The following CNTNAP2 variants were observed in gnomAD, a reference collection of about 807,000 sequenced individuals.
CNTNAP2 encodes the protein contactin associated protein 2, also known as contactin-associated protein-like 2.
CNTNAP2 carries 98 observed loss-of-function variants against 155.2 expected under a neutral mutation model. The observed-to-expected ratio is 0.63, with a 90% CI of 0.54 to 0.75. The LOEUF is 0.75. CNTNAP2 is among the 30% of genes least tolerant of loss of function. The pLI, the probability that CNTNAP2 is intolerant of heterozygous loss-of-function variation, is 0.00. For missense variants in CNTNAP2, 1,727 were observed against 1,688.1 expected, an observed-to-expected ratio of 1.02 and a Z score of -0.40; for synonymous variants, 651 against 631.2, an observed-to-expected ratio of 1.03 and a Z score of -0.47.
chr7:146,875,125 G>T (rs952903408), intron 3 of CNTNAP2, among the ~76,000 whole-genome samples: 4 of 152,134 alleles, frequency 2.6e-5, no homozygotes, highest in Non-Finnish European at 5.9e-5. Context: ...AGGCTGAAAG[G>T]CAAAGACAGG....
In CNTNAP2 at chr7:148,227,884, CGTGTGTGTGTGT is replaced by C. The variant is rs3057282; in HGVS notation, c.3248-1722_3248-1711del. Reference sequence around the variant, plus strand: ...GATGCCTAAATAAGGAAGAGCACAGCGTGTGTGTGTGTGTGTGTGTGTGTGTGTGTGTGTGTG... The same window carrying C: ...GATGCCTAAATAAGGAAGAGCACAGCGTGTGTGTGTGTGTGTGTGTGTGTG... On this transcript the variant is annotated intron_variant, in intron 19 of 23. Coordinates refer to ENST00000361727, the MANE Select transcript of CNTNAP2 (RefSeq NM_014141.6). 4.9e-3 allele frequency among the ~76,000 whole-genome samples: 648 copies of C among 131,490 alleles called. 3 individuals are homozygous for C. Among genetic ancestry groups the C allele is most frequent in the African/African-American group, 0.012 (408 of 34,576 alleles). The allele number at this position is 131,490 out of a possible 152,430, so 86.3% of individuals were successfully genotyped here.
chr7:146,831,973 T>A, intron 2 of CNTNAP2, among the ~76,000 whole-genome samples: 1 of 152,200 alleles, frequency 6.6e-6, no homozygotes, highest in African/African-American at 2.4e-5. Flanking sequence ...TAGGAATGAT[T>A]GGGCCACTGC....
rs1340148054 is a variant in CNTNAP2 at position 146,605,114 on chromosome 7, C to T, written c.98-169157C>T. Among the ~76,000 whole-genome samples the T allele has an allele frequency of 1.3e-5, 2 of 149,670 alleles. 1 individual carries two copies. Among genetic ancestry groups the T allele is most frequent in the Non-Finnish European group, 3.0e-5 (2 of 67,434 alleles). ...AAAAAAAAAAGAAAAAAAAATACTG[C>T]AATATCTTCCCGCCTTTTACACTGT... is the stretch of plus-strand genomic sequence containing the variant. On this transcript the variant is annotated intron_variant, in intron 1 of 23. Transcript: ENST00000361727.
At chr7:147,254,606 A>T (rs77162789) in intron 8 of CNTNAP2, among the ~76,000 whole-genome samples, 8 of 152,166 alleles carry the variant, frequency 5.3e-5, no homozygotes, top group African/African-American at 1.9e-4. Flanking sequence ...TAATATAACC[A>T]TATGGTTTTT....
chr7:147,687,997 A>G (rs997002944), intron 13 of CNTNAP2, among the ~76,000 whole-genome samples: 5 of 152,172 alleles, frequency 3.3e-5, no homozygotes, highest in African/African-American at 9.7e-5. Context: ...TTTAATGATT[A>G]TAAATGCTCT....
At chr7:148,314,803 G>T (rs1253967915) in intron 21 of CNTNAP2, among the ~76,000 whole-genome samples, 2 of 152,202 alleles carry the variant, frequency 1.3e-5, no homozygotes, top group Non-Finnish European at 2.9e-5. Context: ...AGATGCCTCT[G>T]AAATGTGGGT....
intron 20 of CNTNAP2, among the ~76,000 whole-genome samples, chr7:148,266,755 C>A (rs191604428): frequency 1.3e-5 from 2 of 152,194 alleles, no homozygotes; most frequent in Non-Finnish European, 2.9e-5. Context: ...GAACATGGAT[C>A]TTAATCCTGT....
chr7:146,928,214 A>G (rs1796649573), intron 3 of CNTNAP2, among the ~76,000 whole-genome samples: 2 of 152,154 alleles, frequency 1.3e-5, no homozygotes, highest in Non-Finnish European at 2.9e-5. Context: ...GGTGAATAAT[A>G]TTCAACTGTA....
At chr7:147,334,206 T>C (rs1795626537) in intron 9 of CNTNAP2, among the ~76,000 whole-genome samples, 1 of 152,204 alleles carries the variant, frequency 6.6e-6, no homozygotes, top group Admixed American at 6.5e-5. Context: ...TTTGTAGTTA[T>C]TCTATCTGCC....
chr7:146,832,323 T>C (rs1018634339), intron 2 of CNTNAP2, among the ~76,000 whole-genome samples: 49 of 152,100 alleles, frequency 3.2e-4, no homozygotes, highest in Middle Eastern at 3.4e-3. Flanking sequence ...TAAAAATTAG[T>C]TTTTCAAATG....
At chr7:146,202,152 T>C (rs1173758183) in intron 1 of CNTNAP2, among the ~76,000 whole-genome samples, 1 of 152,204 alleles carries the variant, frequency 6.6e-6, no homozygotes, top group African/African-American at 2.4e-5. Context: ...CATCACATCA[T>C]GCCACCTTTT....
chr7:146,817,410 T>G lies in CNTNAP2; in HGVS notation c.209-22301T>G, dbSNP rs531270643. On this transcript the variant is annotated intron_variant, in intron 2 of 23. Transcript: ENST00000361727. Reference sequence around the variant, plus strand: ...TTGCTTGAACCCGGGAGGCGGAAGTTGCAGTGAGCCGAGATCGTGCCACTG... The same window carrying G: ...TTGCTTGAACCCGGGAGGCGGAAGTGGCAGTGAGCCGAGATCGTGCCACTG... 2.5e-4 allele frequency among the ~76,000 whole-genome samples: 38 copies of G among 151,304 alleles called. 1 individual carries two copies. The South Asian group carries it at 5.0e-3, about 20-fold the overall frequency.
chr7:146,309,558 T>C (rs912087409), intron 1 of CNTNAP2, among the ~76,000 whole-genome samples: 1 of 152,034 alleles, frequency 6.6e-6, no homozygotes, highest in African/African-American at 2.4e-5. Context: ...TCCCAGCATT[T>C]TGGGAGGCTG....
chr7:147,027,496 C>T (rs1798945751), intron 3 of CNTNAP2, among the ~76,000 whole-genome samples: 1 of 152,162 alleles, frequency 6.6e-6, no homozygotes, highest in Admixed American at 6.5e-5. Context: ...ATCCCTTAAA[C>T]AAAACATAGG....
intron 13 of CNTNAP2, among the ~76,000 whole-genome samples, chr7:147,708,426 G>A (rs2095066089): frequency 6.6e-6 from 1 of 152,170 alleles, no homozygotes; most frequent in African/African-American, 2.4e-5. Flanking sequence ...GGTGATGCAG[G>A]TACCGTTGGA....
intron 9 of CNTNAP2, among the ~76,000 whole-genome samples, chr7:147,305,196 A>G (rs1207852991): frequency 2.6e-5 from 4 of 152,174 alleles, no homozygotes; most frequent in South Asian, 4.1e-4. Context: ...CATGGATTTT[A>G]AATATTAGGT....
chr7:146,633,832 G>GAAAACAAAAAAAAA (rs1799550352), intron 1 of CNTNAP2, among the ~76,000 whole-genome samples: 1 of 79,048 alleles, frequency 1.3e-5, no homozygotes, highest in Non-Finnish European at 2.2e-5. Flanking sequence ...TGCATCTAGA[G>GAAAACAAAAAAAAA]AAAAAAAAAA....
intron 1 of CNTNAP2, among the ~76,000 whole-genome samples, chr7:146,764,324 G>A (rs976185396): frequency 1.3e-5 from 2 of 152,158 alleles, no homozygotes; most frequent in East Asian, 1.9e-4. Context: ...CACTGTGTTA[G>A]AGATTAAAAC....
intron 22 of CNTNAP2, among the ~76,000 whole-genome samples, chr7:148,392,381 T>G (rs1414780083): frequency 6.6e-6 from 1 of 152,182 alleles, no homozygotes; most frequent in Non-Finnish European, 1.5e-5. Flanking sequence ...CACAGCTAGT[T>G]ATTTTAAAGG....
Sources: gnomAD v4.1 joint callset for allele counts (sites outside exome capture counted in the v4.1 genomes callset) on GRCh38, gnomAD v4.1.1 for gene constraint, MANE v1.5 for transcripts, NCBI Gene and HGNC (gene_info 2026-07-23, HGNC 2026-07-21) for gene names.